Variants in PAK5 observed in about 807,000 individuals in gnomAD.
PAK5 encodes p21 (RAC1) activated kinase 5, also known as serine/threonine-protein kinase PAK 5.
PAK5 carries 16 observed loss-of-function variants against 65.9 expected under a neutral mutation model. That is an observed-to-expected ratio of 0.24 (90% CI 0.16 to 0.37). The LOEUF is 0.37. Among genes scored for constraint, PAK5 ranks in the 10% least tolerant of loss-of-function variants. The pLI, the probability that PAK5 is intolerant of heterozygous loss-of-function variation, is 1.00. For missense variants in PAK5, 785 were observed against 903.9 expected (o/e 0.87, Z 1.69); for synonymous variants, 371 against 354.9 (o/e 1.05, Z -0.51).
At chr20:9,675,184 AATAT>A (rs2047552746) in intron 2 of PAK5, among the ~76,000 whole-genome samples, 1 of 152,218 alleles carries the variant, frequency 6.6e-6, no homozygotes, top group Non-Finnish European at 1.5e-5. Context: ...GACAGAACTA[AATAT>A]ATATGACAAA....
intron 1 of PAK5, among the ~76,000 whole-genome samples, chr20:9,812,767 A>G (rs527903288): frequency 6.6e-4 from 101 of 152,306 alleles, no homozygotes; most frequent in Non-Finnish European, 1.1e-3. Flanking sequence ...GGGTGACTAC[A>G]TTTAACAATA....
chr20:9,800,491 C>A (rs543470099), intron 1 of PAK5, among the ~76,000 whole-genome samples: 1 of 152,126 alleles, frequency 6.6e-6, no homozygotes, highest in South Asian at 2.1e-4. Context: ...TACTTAGAGA[C>A]TTTTTAGTTC....
chr20:9,625,348 T>C (rs1270949533), intron 3 of PAK5, among the ~76,000 whole-genome samples: 1 of 152,218 alleles, frequency 6.6e-6, no homozygotes, highest in Non-Finnish European at 1.5e-5. Flanking sequence ...ATTGAGGATC[T>C]ACCCTTAATT....
intron 2 of PAK5, among the ~76,000 whole-genome samples, chr20:9,686,719 C>A (rs2047724582): frequency 6.6e-6 from 1 of 152,126 alleles, no homozygotes; most frequent in Admixed American, 6.5e-5. Flanking sequence ...TGCAGGTAAC[C>A]CTTGCATTGA....
At chr20:9,720,200 C>T (rs934241825) in intron 1 of PAK5, among the ~76,000 whole-genome samples, 8 of 152,048 alleles carry the variant, frequency 5.3e-5, no homozygotes, top group Admixed American at 2.0e-4. Flanking sequence ...AACTGGGGGT[C>T]GTAACTGTCC....
chr20:9,777,837 A>G (rs944148560), intron 1 of PAK5, among the ~76,000 whole-genome samples: 1 of 152,150 alleles, frequency 6.6e-6, no homozygotes, highest in East Asian at 1.9e-4. Flanking sequence ...AAATCCCATT[A>G]AAAAGGGGAG....
At chr20:9,728,390 G>A (rs6039561) in intron 1 of PAK5, among the ~76,000 whole-genome samples, 71,651 of 151,954 alleles carry the variant, frequency 0.47, 16,995 homozygotes, top group South Asian at 0.63. Context: ...TTGCTACTGG[G>A]GTGTCATTAA....
intron 1 of PAK5, among the ~76,000 whole-genome samples, chr20:9,810,749 G>T (rs1775964669): frequency 1.3e-5 from 2 of 152,030 alleles, no homozygotes; most frequent in Admixed American, 1.3e-4. Flanking sequence ...TTCCCAACCT[G>T]CATTAATAAA....
At chr20:9,566,526 C>G in intron 4 of PAK5, 142 bp from the exon 5 acceptor site, 1 of 760,460 alleles carries the variant, frequency 1.3e-6, no homozygotes, top group South Asian at 1.7e-5. Flanking sequence ...ACCAACAGGA[C>G]CGGCCACACC....
At chr20:9,833,587 C>T (rs1328109460) in intron 1 of PAK5, among the ~76,000 whole-genome samples, 6 of 151,908 alleles carry the variant, frequency 3.9e-5, no homozygotes, top group African/African-American at 1.5e-4. Flanking sequence ...TCCCATCTTA[C>T]CACCACCACT....
At chr20:9,746,772 C>G (rs775660492) in intron 1 of PAK5, among the ~76,000 whole-genome samples, 7 of 152,024 alleles carry the variant, frequency 4.6e-5, no homozygotes, top group Non-Finnish European at 8.8e-5. Flanking sequence ...GAAAAGCCAA[C>G]AGTACCAAAA....
At chr20:9,767,554 TG>T (rs1392937176) in intron 1 of PAK5, among the ~76,000 whole-genome samples, 1 of 152,220 alleles carries the variant, frequency 6.6e-6, no homozygotes, top group Non-Finnish European at 1.5e-5. Context: ...TCATTTAATG[TG>T]GCCTCTCTAG....
At chr20:9,600,649 T>C (rs1390796947) in intron 3 of PAK5, among the ~76,000 whole-genome samples, 2 of 152,232 alleles carry the variant, frequency 1.3e-5, no homozygotes, top group Non-Finnish European at 2.9e-5. Flanking sequence ...GGCTGCTGAT[T>C]TCTCTGCTGG....
intron 1 of PAK5, among the ~76,000 whole-genome samples, chr20:9,774,320 C>A (rs950137155): frequency 6.6e-6 from 1 of 152,150 alleles, no homozygotes; most frequent in African/African-American, 2.4e-5. Flanking sequence ...TGTGATAGAG[C>A]AAATTGTGGA....
intron 1 of PAK5, among the ~76,000 whole-genome samples, chr20:9,828,172 GA>G (rs1045798037): frequency 2.8e-4 from 43 of 152,306 alleles, no homozygotes; most frequent in African/African-American, 9.4e-4. Flanking sequence ...GTGAGGGTAG[GA>G]GAAGAGTAGA....
intron 3 of PAK5, among the ~76,000 whole-genome samples, chr20:9,616,574 T>C (rs1280159084): frequency 6.6e-6 from 1 of 152,244 alleles, no homozygotes; most frequent in African/African-American, 2.4e-5. Flanking sequence ...CCTTCAGGGC[T>C]GGGCTGGGGA....
intron 3 of PAK5, among the ~76,000 whole-genome samples, chr20:9,639,045 A>G (rs915615709): frequency 1.8e-4 from 27 of 152,290 alleles, no homozygotes; most frequent in Middle Eastern, 3.4e-3. Flanking sequence ...ATGGCTTTAA[A>G]CATGCATGAC....
At chr20:9,756,917 A>T (rs977159901) in intron 1 of PAK5, among the ~76,000 whole-genome samples, 1 of 152,154 alleles carries the variant, frequency 6.6e-6, no homozygotes, top group Non-Finnish European at 1.5e-5. Context: ...CAAATAGTTC[A>T]TGACTCTGGA....
At chr20:9,542,270 T>C (rs541171008) in intron 9 of PAK5, among the ~76,000 whole-genome samples, 1 of 152,178 alleles carries the variant, frequency 6.6e-6, no homozygotes, top group African/African-American at 2.4e-5. Flanking sequence ...CTATTAGATG[T>C]CCCCAGCATG....
Sources: allele counts gnomAD v4.1 joint callset (sites outside exome capture counted in the v4.1 genomes callset), GRCh38; gene constraint gnomAD v4.1.1; transcripts MANE v1.5; gene names NCBI Gene and HGNC (gene_info 2026-07-23, HGNC 2026-07-21).